PKIB: variants seen among roughly 807,000 people sequenced by gnomAD.
PKIB encodes PKI-beta.
In PKIB, 2 loss-of-function variants were observed where a neutral mutation model predicts 4.5. The observed-to-expected ratio is 0.44, with a 90% CI of 0.18 to 1.39. PKIB has a LOEUF of 1.39. Among genes scored for constraint, PKIB ranks in the 40% most tolerant of loss-of-function variants. The pLI is 0.27. For missense variants in PKIB, 94 were observed against 92.6 expected (o/e 1.02, Z -0.06); for synonymous variants, 38 against 36.0 (o/e 1.06, Z -0.20).
intron 3 of PKIB, among the ~76,000 whole-genome samples, chr6:122,604,877 G>A (rs1774478601): frequency 1.3e-5 from 2 of 152,122 alleles, no homozygotes; most frequent in African/African-American, 4.8e-5. Flanking sequence ...TGGTAATGAA[G>A]GAATACTTTG....
At chr6:122,676,854 T>C (rs1382747036) in intron 3 of PKIB, among the ~76,000 whole-genome samples, 1 of 152,342 alleles carries the variant, frequency 6.6e-6, no homozygotes, top group Middle Eastern at 3.4e-3. Context: ...TAGTTTTCAG[T>C]TTCATTGCAT....
At chr6:122,700,911 GC>G (rs1371018823) in intron 3 of PKIB, among the ~76,000 whole-genome samples, 3 of 152,170 alleles carry the variant, frequency 2.0e-5, no homozygotes, top group African/African-American at 7.2e-5. Flanking sequence ...CTTGGATAGG[GC>G]CAGCAAGCCC....
At chr6:122,696,153 T>C (rs139814531) in intron 3 of PKIB, among the ~76,000 whole-genome samples, 1 of 152,198 alleles carries the variant, frequency 6.6e-6, no homozygotes, top group Non-Finnish European at 1.5e-5. Context: ...AGAGCCATAG[T>C]CTTGAAAGTC....
At chr6:122,698,339 C>G (rs1449124424) in intron 3 of PKIB, among the ~76,000 whole-genome samples, 2 of 152,114 alleles carry the variant, frequency 1.3e-5, no homozygotes, top group Non-Finnish European at 1.5e-5. Flanking sequence ...TAGAATATGC[C>G]AGAAGGGCCA....
chr6:122,690,562 C>T (rs1297021467), intron 3 of PKIB, among the ~76,000 whole-genome samples: 21 of 152,040 alleles, frequency 1.4e-4, no homozygotes, highest in Admixed American at 1.2e-3. Context: ...CTTCCTCTCC[C>T]TGCTTTTTTA....
At chr6:122,717,280 C>A (rs1779536718) in intron 3 of PKIB, among the ~76,000 whole-genome samples, 1 of 152,066 alleles carries the variant, frequency 6.6e-6, no homozygotes, top group African/African-American at 2.4e-5. Context: ...ATATTTAGTG[C>A]TCTCTAGGGA....
chr6:122,585,105 G>T (rs1262182641), intron 2 of PKIB, among the ~76,000 whole-genome samples: 1 of 152,038 alleles, frequency 6.6e-6, no homozygotes, highest in Non-Finnish European at 1.5e-5. Flanking sequence ...GCTATTCTGG[G>T]CACACTGCAT....
At chr6:122,563,299 A>C (rs1330637873) in intron 2 of PKIB, among the ~76,000 whole-genome samples, 2 of 152,042 alleles carry the variant, frequency 1.3e-5, no homozygotes, top group Non-Finnish European at 2.9e-5. Flanking sequence ...GTCTGCACAT[A>C]GTCCTGTGAT....
chr6:122,537,598 T>G (rs1215593540), intron 2 of PKIB, among the ~76,000 whole-genome samples: 1 of 152,182 alleles, frequency 6.6e-6, no homozygotes, highest in Non-Finnish European at 1.5e-5. Flanking sequence ...TTAGGGTTGG[T>G]TCCAAGTCTT....
At chr6:122,656,446 A>G (rs570146276) in intron 2 of PKIB, among the ~76,000 whole-genome samples, 11 of 152,202 alleles carry the variant, frequency 7.2e-5, no homozygotes, top group Non-Finnish European at 1.3e-4. Context: ...TGAATTTGAG[A>G]GAAATTAAAA....
intron 2 of PKIB, chr6:122,531,400 T>C (rs1037788535): frequency 6.6e-6 from 1 of 152,188 alleles, no homozygotes; most frequent in Non-Finnish European, 1.5e-5. Flanking sequence ...ATTTCATCAT[T>C]GTAGTTACCT....
At chr6:122,547,085 T>C (rs1772519063) in intron 2 of PKIB, among the ~76,000 whole-genome samples, 1 of 152,082 alleles carries the variant, frequency 6.6e-6, no homozygotes, top group Non-Finnish European at 1.5e-5. Flanking sequence ...CTGTAGGCTA[T>C]TTTATTTACC....
At chr6:122,520,358 G>C (rs568198190) in intron 2 of PKIB, among the ~76,000 whole-genome samples, 2 of 152,270 alleles carry the variant, frequency 1.3e-5, no homozygotes, top group East Asian at 1.9e-4. Context: ...TAACAAACCT[G>C]AGTTACACAA....
chr6:122,515,725 G>A (rs1378526815), intron 2 of PKIB, among the ~76,000 whole-genome samples: 2 of 152,112 alleles, frequency 1.3e-5, no homozygotes, highest in Non-Finnish European at 2.9e-5. Flanking sequence ...TTGTTTGTTT[G>A]TTTGTTTTTG....
intron 2 of PKIB, chr6:122,483,461 AC>A (rs1425623258): frequency 6.6e-6 from 1 of 152,176 alleles, no homozygotes; most frequent in Non-Finnish European, 1.5e-5. Flanking sequence ...ATTTCCTAAT[AC>A]ACTCCTAGGT....
intron 3 of PKIB, among the ~76,000 whole-genome samples, chr6:122,595,821 CA>C (rs1026821480): frequency 6.6e-5 from 10 of 152,150 alleles, no homozygotes; most frequent in African/African-American, 1.2e-4. Context: ...TGGACGATGA[CA>C]GGGGTGGCTG....
intron 2 of PKIB, among the ~76,000 whole-genome samples, chr6:122,486,020 A>C (rs1271865841): frequency 6.6e-6 from 1 of 152,230 alleles, no homozygotes. Flanking sequence ...TCATAGACAC[A>C]TACACAAATG....
chr6:122,576,802 AGGC>A (rs1773556607), intron 2 of PKIB, among the ~76,000 whole-genome samples: 1 of 149,002 alleles, frequency 6.7e-6, no homozygotes, highest in South Asian at 2.1e-4. Context: ...TGATTTTGTT[AGGC>A]ATATGTGTAT....
chr6:122,480,246 G>A (rs921932401), intron 2 of PKIB: 1 of 152,126 alleles, frequency 6.6e-6, no homozygotes, highest in Non-Finnish European at 1.5e-5. Context: ...GTTTCACCGT[G>A]TTAGCTGGGA....
Sources: gnomAD v4.1 joint callset for allele counts (sites outside exome capture counted in the v4.1 genomes callset) on GRCh38, gnomAD v4.1.1 for gene constraint, MANE v1.5 for transcripts, NCBI Gene and HGNC (gene_info 2026-07-23, HGNC 2026-07-21) for gene names.